PRKCB: variants seen among roughly 807,000 people sequenced by gnomAD.
PRKCB encodes the protein protein kinase C beta, also known as protein kinase C beta type.
In PRKCB, 13 loss-of-function variants were observed where a neutral mutation model predicts 81.5. That is an observed-to-expected ratio of 0.16 (90% CI 0.10 to 0.25). PRKCB has a LOEUF of 0.25. Among genes scored for constraint, PRKCB ranks in the 10% least tolerant of loss-of-function variants. PRKCB has a pLI of 1.00. For synonymous variants in PRKCB, 335 were observed against 321.4 expected, an observed-to-expected ratio of 1.04 and a Z score of -0.45; for missense variants, 509 against 875.7, an observed-to-expected ratio of 0.58 and a Z score of 5.29.
At chr16:23,945,654 T>C (rs1223108055) in intron 2 of PRKCB, among the ~76,000 whole-genome samples, 1 of 151,988 alleles carries the variant, frequency 6.6e-6, no homozygotes, top group East Asian at 1.9e-4. Flanking sequence ...GTCCTACTGA[T>C]TTGAGGATCA....
At position 23,875,693 on chromosome 16, in the gene PRKCB, A is replaced by G. The variant is rs192025374; in HGVS notation, c.205+38287A>G. Among the ~76,000 whole-genome samples, 126 of 143,230 alleles carry G rather than the reference A, an allele frequency of 8.8e-4. 13 individuals are homozygous for G. The highest frequency in any genetic ancestry group is 3.1e-3 in the African/African-American group (115 of 36,856). The allele number at this position is 143,230 out of a possible 152,430, so 94.0% of individuals were successfully genotyped here. A position where few individuals can be genotyped will look rare whatever the true frequency, so the allele number is the denominator to read the frequency against. Reference sequence around the variant, plus strand: ...GTATGTATATCACACACATATATGTATGTATATCACACATATATATGTATG... The same window carrying G: ...GTATGTATATCACACACATATATGTGTGTATATCACACATATATATGTATG... On this transcript the variant is annotated intron_variant, in intron 2 of 16. Coordinates refer to ENST00000643927, the MANE Select transcript of PRKCB (RefSeq NM_002738.7).
intron 3 of PRKCB, among the ~76,000 whole-genome samples, chr16:24,008,006 C>CAAAA (rs10695120): frequency 0.33 from 46,731 of 143,418 alleles, 7,562 homozygotes; most frequent in African/African-American, 0.4. Flanking sequence ...TATTCTTTTT[C>CAAAA]AAAAAAAAAA....
intron 7 of PRKCB, among the ~76,000 whole-genome samples, chr16:24,100,355 T>C (rs1321174907): frequency 6.6e-6 from 1 of 152,098 alleles, no homozygotes; most frequent in Non-Finnish European, 1.5e-5. Context: ...GTGGGACTGG[T>C]CCCACCTAGC....
chr16:23,976,652 G>A (rs115858360), intron 2 of PRKCB, among the ~76,000 whole-genome samples: 3,520 of 152,294 alleles, frequency 0.023, 138 homozygotes, highest in African/African-American at 0.078. Flanking sequence ...CCTGCTTCTG[G>A]TCTGAGCAAT....
At chr16:23,928,452 T>C (rs1186613151) in intron 2 of PRKCB, among the ~76,000 whole-genome samples, 1 of 152,108 alleles carries the variant, frequency 6.6e-6, no homozygotes, top group East Asian at 1.9e-4. Context: ...GAGCAAGAGC[T>C]TGTGCAAGGC....
chr16:24,016,226 C>T (rs937501798), intron 3 of PRKCB, among the ~76,000 whole-genome samples: 3 of 152,132 alleles, frequency 2.0e-5, no homozygotes, highest in Admixed American at 6.5e-5. Flanking sequence ...TTTTAACCAA[C>T]GTTTTGAGAA....
chr16:23,903,775 T>G (rs1963518473), intron 2 of PRKCB, among the ~76,000 whole-genome samples: 4 of 152,174 alleles, frequency 2.6e-5, no homozygotes, highest in Admixed American at 2.6e-4. Flanking sequence ...CTCACTCTAG[T>G]CTCAACTTAA....
At chr16:23,982,547 A>G (rs1338117774) in intron 2 of PRKCB, among the ~76,000 whole-genome samples, 1 of 151,632 alleles carries the variant, frequency 6.6e-6, no homozygotes, top group Non-Finnish European at 1.5e-5. Flanking sequence ...CCCCCACCTC[A>G]GCTTCCCAAG....
chr16:24,130,518 C>T (rs1334036045), intron 9 of PRKCB, among the ~76,000 whole-genome samples: 1 of 152,178 alleles, frequency 6.6e-6, no homozygotes, highest in Non-Finnish European at 1.5e-5. Flanking sequence ...GGCACCTAAA[C>T]TTTTATTAGG....
chr16:24,192,880 C>A (rs1256398306), intron 16 of PRKCB, among the ~76,000 whole-genome samples: 3 of 152,130 alleles, frequency 2.0e-5, no homozygotes, highest in Non-Finnish European at 4.4e-5. Context: ...TTGAGAATCA[C>A]TGCTGTGGAG....
intron 3 of PRKCB, among the ~76,000 whole-genome samples, chr16:24,018,181 G>T (rs1466528458): frequency 6.6e-6 from 1 of 152,106 alleles, no homozygotes; most frequent in African/African-American, 2.4e-5. Flanking sequence ...TTACAGGTGT[G>T]AGCCACTGCG....
chr16:24,051,607 G>C (rs534430282), intron 5 of PRKCB, among the ~76,000 whole-genome samples: 48 of 152,266 alleles, frequency 3.2e-4, no homozygotes, highest in African/African-American at 1.2e-3. Flanking sequence ...AGGTGCAGTG[G>C]CTCATGCCTG....
intron 2 of PRKCB, among the ~76,000 whole-genome samples, chr16:23,959,487 G>C (rs1964394644): frequency 6.6e-6 from 1 of 152,226 alleles, no homozygotes; most frequent in South Asian, 2.1e-4. Flanking sequence ...GTTTCCCATA[G>C]TGGGAGTGAC....
intron 10 of PRKCB, among the ~76,000 whole-genome samples, chr16:24,164,595 C>T (rs765793954): frequency 7.2e-5 from 11 of 152,044 alleles, no homozygotes; most frequent in Non-Finnish European, 1.2e-4. Flanking sequence ...GTGGAACACC[C>T]ACGTAGAAAC....
intron 16 of PRKCB, among the ~76,000 whole-genome samples, chr16:24,193,564 C>T (rs993001146): frequency 1.3e-5 from 2 of 152,052 alleles, no homozygotes; most frequent in African/African-American, 4.8e-5. Flanking sequence ...CTCCAAAAAC[C>T]TCAGCCTCCC....
rs182121962 is a variant in PRKCB at position 24,076,588 on chromosome 16, G to T, written c.530-16203G>T. ...GACTCACGTCTAGCTGCATGGTCTGGGGGGAGGAGCCTCAGGGTACAAGTG... is the reference window on the plus strand; with the variant it reads ...GACTCACGTCTAGCTGCATGGTCTGTGGGGAGGAGCCTCAGGGTACAAGTG... On this transcript the variant is annotated intron_variant, in intron 5 of 16. Transcript: ENST00000643927. Among the ~76,000 whole-genome samples the T allele has an allele frequency of 3.7e-3, 566 of 152,266 alleles. 1 individual carries two copies. Among genetic ancestry groups the T allele is most frequent in the African/African-American group, 0.013 (521 of 41,534 alleles).
chr16:23,903,564 A>G (rs1465195), intron 2 of PRKCB, among the ~76,000 whole-genome samples: 57,369 of 152,080 alleles, frequency 0.38, 11,225 homozygotes, highest in South Asian at 0.55. Context: ...GATCTTTCAG[A>G]TAGCTGGGAG....
chr16:23,903,258 AGTGTGTGTGT>A (rs3073125), intron 2 of PRKCB, among the ~76,000 whole-genome samples: 3 of 147,314 alleles, frequency 2.0e-5, no homozygotes, highest in South Asian at 2.2e-4. Flanking sequence ...AGGGAACTTA[AGTGTGTGTGT>A]GTGTGTGTGT....
chr16:24,115,059 G>T (rs908857624), intron 8 of PRKCB, among the ~76,000 whole-genome samples: 3 of 152,158 alleles, frequency 2.0e-5, no homozygotes, highest in Admixed American at 6.5e-5. Flanking sequence ...TGTGGTTGGG[G>T]GTTATATAGC....
Sources: allele counts gnomAD v4.1 joint callset (sites outside exome capture counted in the v4.1 genomes callset), GRCh38; gene constraint gnomAD v4.1.1; transcripts MANE v1.5; gene names NCBI Gene and HGNC (gene_info 2026-07-23, HGNC 2026-07-21).